The following URB1 variants were observed in gnomAD, a reference collection of about 807,000 sequenced individuals.
URB1 encodes the protein nucleolar pre-ribosomal-associated protein 1.
In URB1, 197 loss-of-function variants were observed where a neutral mutation model predicts 242.3. The observed-to-expected ratio is 0.81, with a 90% CI of 0.72 to 0.91. The LOEUF (loss-of-function observed/expected upper bound fraction) is 0.91. Among genes scored for constraint, URB1 ranks in the 40% least tolerant of loss-of-function variants. The probability of loss-of-function intolerance (pLI) is 0.00; values close to 1 mark genes in which losing one functional copy is unlikely to be tolerated. For synonymous variants in URB1, 1,153 were observed against 1,201.8 expected (o/e 0.96, Z 0.84); for missense variants, 2,721 against 2,860.5 (o/e 0.95, Z 1.11).
chr21:32,328,111 C>T (rs1007798736), intron 30 of URB1, among the ~76,000 whole-genome samples: 4 of 152,160 alleles, frequency 2.6e-5, no homozygotes, highest in African/African-American at 7.2e-5. Context: ...TTGGGCATAG[C>T]AGTTTAGGAA....
intron 5 of URB1, among the ~76,000 whole-genome samples, chr21:32,376,572 CTTTAT>C (rs1041179658): frequency 2.5e-5 from 1 of 40,222 alleles, no homozygotes; most frequent in South Asian, 1.2e-3. Flanking sequence ...TGAGATCATA[CTTTAT>C]AGTTTTATAG....
chr21:32,386,209 A>G (rs1289779355), intron 1 of URB1, among the ~76,000 whole-genome samples: 1 of 151,862 alleles, frequency 6.6e-6, no homozygotes, highest in Non-Finnish European at 1.5e-5. Flanking sequence ...GTATTTGGAG[A>G]TATAGTCTTT....
Position 32,354,035 on chromosome 21 carries a change from ACGTGAAC to A in URB1, c.2307_2313del (p.Phe770Ter). The A allele has an allele frequency of 6.4e-7, 1 of 1,551,672 alleles. No individual in the cohort carries two copies. The highest frequency in any genetic ancestry group is 8.7e-7 in the Non-Finnish European group (1 of 1,146,980). ...GTGAGCAGGATCATGTCTTCACTCA[ACGTGAAC>A]CCTATTTCCTCATCCAAGCCTTCAC... On this transcript the variant is annotated frameshift_variant, in exon 18 of 39. Transcript: ENST00000382751. LOFTEE classifies it high-confidence loss of function.
At chr21:32,390,718 C>T (rs1159472988) in intron 1 of URB1, among the ~76,000 whole-genome samples, 1 of 152,152 alleles carries the variant, frequency 6.6e-6, no homozygotes. Context: ...CAGGAAACAA[C>T]AGGTGCTGGA....
In URB1 at chr21:32,317,035, A is replaced by G; in HGVS notation, c.6065T>C (p.Met2022Thr). The G allele has an allele frequency of 6.5e-7, 1 of 1,547,630 alleles. No homozygotes were observed. Among genetic ancestry groups the G allele is most frequent in the Non-Finnish European group, 8.7e-7 (1 of 1,145,756 alleles). Reference protein sequence around the residue: ...KMLKDKNKPVMPARAKGPRGR... With the variant: ...KMLKDKNKPVTPARAKGPRGR... The stretch of plus-strand genomic sequence containing the variant: ...CCGTGGGCCTTTGGCTCGGGCTGGC[A>G]TGACAGGCTTGTTCTTATCCTTGAG... Residue 2022 changes from methionine to threonine, a missense_variant, in exon 38 of 39, where the codon ATG becomes ACG. Transcript: ENST00000382751.
chr21:32,353,488 T>C (rs767830873), intron 18 of URB1, among the ~76,000 whole-genome samples: 3 of 152,232 alleles, frequency 2.0e-5, no homozygotes, highest in African/African-American at 4.8e-5. Context: ...ATTAAACTAC[T>C]GACAAGTCAG....
chr21:32,356,410 A>G (rs1286909929), intron 15 of URB1, among the ~76,000 whole-genome samples: 1 of 152,182 alleles, frequency 6.6e-6, no homozygotes, highest in African/African-American at 2.4e-5. Context: ...AAAAAAGACA[A>G]TATGATCCCT....
chr21:32,324,346 GCTC>G (rs1470368252), intron 32 of URB1, 142 bp downstream of exon 32: 12 of 671,066 alleles, frequency 1.8e-5, no homozygotes, highest in African/African-American at 5.4e-5. Flanking sequence ...GACTTCGGTG[GCTC>G]CTCATCTTCC....
chr21:32,344,712 G>A lies in URB1; in HGVS notation c.4115C>T (p.Ala1372Val). 6.4e-7 allele frequency: 1 copy of A among 1,552,018 alleles called. No individual in the cohort carries two copies. Among genetic ancestry groups the A allele is most frequent in the Non-Finnish European group, 8.7e-7 (1 of 1,147,098 alleles). ...CCTTCTCCAGGCACACAGCTCTTCT[G>A]CTGACCCTTCCAGAGCTGCTGAAAT... is the stretch of plus-strand genomic sequence containing the variant. ...DSISAALEGS[A>V]EELCAWRRTL... is the part of the protein sequence containing the mutation. The change falls in exon 24 of 39, where the codon GCA becomes GTA. Residue 1372 changes from alanine to valine, a missense_variant. Transcript: ENST00000382751.
At position 32,345,414 on chromosome 21, in the gene URB1, G is replaced by A. The variant is rs368516647; in HGVS notation, c.4030C>T (p.Arg1344Cys). 48 of 1,551,298 alleles carry A rather than the reference G, an allele frequency of 3.1e-5. No individual in the cohort carries two copies. Among genetic ancestry groups the A allele is most frequent in the East Asian group, 7.3e-5 (3 of 40,870 alleles). The change falls in exon 23 of 39, where the codon CGC becomes TGC. Residue 1344 changes from arginine (R) to cysteine (C), a missense_variant. By Grantham distance (180) the Arg-to-Cys change is radical. Transcript: ENST00000382751. ...RAKDLSVLMD[R>C]LPSLLHTPSS... ...GGGGTGTGAAGCAAGCTGGGCAGGC[G>A]GTCCATGAGTACACTGAGATCCTTG...
Position 32,357,617 on chromosome 21 carries a change from C to T in URB1, c.1909G>A (p.Val637Ile), listed in dbSNP as rs566011148. 5 of 1,525,148 alleles carry T rather than the reference C, an allele frequency of 3.3e-6. No homozygotes were observed. The highest frequency in any genetic ancestry group is 1.7e-4 in the Middle Eastern group (1 of 5,922). 94.5% of individuals were successfully genotyped at this position (1,525,148 alleles called of 1,614,324 possible). Residue 637 changes from valine to isoleucine, a missense_variant, in exon 15 of 39, where the codon GTA (valine) becomes ATA (isoleucine). Coordinates refer to ENST00000382751, the MANE Select transcript of URB1 (RefSeq NM_014825.3). ...AACATTTTCATTAGTAAGTAAAATACTGATCGTTCACCTCCAATAATTTCT... is the reference window on the plus strand; with the variant it reads ...AACATTTTCATTAGTAAGTAAAATATTGATCGTTCACCTCCAATAATTTCT... ...DAEIIGGERS[V>I]FYLLMKMFVT...
In URB1 at chr21:32,338,769, G is replaced by A. The variant is rs1057173854; in HGVS notation, c.4448C>T (p.Ser1483Leu). 10 of 1,551,520 alleles carry A rather than the reference G, an allele frequency of 6.4e-6. No homozygotes were observed. The highest frequency in any genetic ancestry group is 4.8e-5 in the South Asian group (4 of 84,044). ...PVVYVMLMQHSLFLPTLLTSD... is the reference protein window; with the variant it reads ...PVVYVMLMQHLLFLPTLLTSD... ...CGTCAGTAGAGTCGGCAGAAACAGC[G>A]AGTGCTGCATGAGCATCACGTAGAC... Residue 1483 changes from serine (S) to leucine (L), a missense_variant, in exon 26 of 39, where the codon TCG becomes TTG. By Grantham distance (145) the Ser-to-Leu change is moderately radical. Coordinates refer to ENST00000382751, the MANE Select transcript of URB1 (RefSeq NM_014825.3).
Position 32,347,093 on chromosome 21 carries a change from T to C in URB1, c.3731A>G (p.His1244Arg). 1 of 1,550,316 alleles carries C rather than the reference T, an allele frequency of 6.5e-7. No individual in the cohort carries two copies. ...GCACCACTGCTCGAACCACAGCAAG[T>C]GGGTGCAGCTCTCCTGGAGGAGCAG... ...AALLLQESCT[H>R]LLWFEQWCLQ... Residue 1244 changes from histidine to arginine, a missense_variant, in exon 22 of 39, where the codon CAC (histidine) becomes CGC (arginine). Coordinates refer to ENST00000382751, the MANE Select transcript of URB1 (RefSeq NM_014825.3).
chr21:32,316,419 ACTT>A, intron 38 of URB1, 44 bp downstream of exon 38: 1 of 1,459,322 alleles, frequency 6.9e-7, no homozygotes, highest in Non-Finnish European at 9.1e-7. Flanking sequence ...CCCCAGGCCC[ACTT>A]CTGCATCTAT....
At chr21:32,341,548 A>C in intron 24 of URB1, 24 bp from the exon 25 acceptor site, 1 of 1,547,010 alleles carries the variant, frequency 6.5e-7, no homozygotes, top group Non-Finnish European at 8.7e-7. Context: ...AAGTAAGAAA[A>C]ACACATGAAA....
chr21:32,357,778 A>C, intron 14 of URB1, 122 bp from the exon 15 acceptor site: 33 of 826,222 alleles, frequency 4.0e-5, no homozygotes, highest in South Asian at 5.4e-5. Flanking sequence ...CTGTAATCTC[A>C]GCACTTTGGG....
At chr21:32,350,220 G>A (rs947652529) in intron 20 of URB1, among the ~76,000 whole-genome samples, 6 of 152,012 alleles carry the variant, frequency 3.9e-5, no homozygotes, top group Admixed American at 2.6e-4. Flanking sequence ...ATCACTGTGA[G>A]CCCAGGAGTT....
intron 37 of URB1, among the ~76,000 whole-genome samples, chr21:32,317,276 C>A (rs965200068): frequency 2.6e-5 from 4 of 152,172 alleles, no homozygotes; most frequent in African/African-American, 9.6e-5. Flanking sequence ...ATCCTCACAC[C>A]ATGAGGTAGA....
At chr21:32,345,765 G>A (rs2033079750) in intron 22 of URB1, among the ~76,000 whole-genome samples, 190 bp from the exon 23 acceptor site, 1 of 152,130 alleles carries the variant, frequency 6.6e-6, no homozygotes, top group Admixed American at 6.6e-5. Context: ...TCTCCTTCAA[G>A]GGTCCTCCCC....
Sources: gnomAD v4.1 joint callset for allele counts (sites outside exome capture counted in the v4.1 genomes callset) on GRCh38, gnomAD v4.1.1 for gene constraint, MANE v1.5 for transcripts, NCBI Gene and HGNC (gene_info 2026-07-23, HGNC 2026-07-21) for gene names.